The following FAAH2 variants were observed in gnomAD, a reference collection of about 807,000 sequenced individuals.
FAAH2 encodes the protein fatty acid amide hydrolase 2.
A neutral mutation model predicts 36.9 loss-of-function variants in FAAH2; 60 were observed. The observed-to-expected ratio is 1.63, with a 90% CI of 1.32 to 2.02. The LOEUF (loss-of-function observed/expected upper bound fraction) is 2.02. Ranked by LOEUF, FAAH2 falls within the 30% of genes most tolerant of loss-of-function variation. FAAH2 has a pLI of 0.00. For synonymous variants in FAAH2, 214 were observed against 143.8 expected (o/e 1.49, Z -3.49); for missense variants, 689 against 397.5 (o/e 1.73, Z -6.23).
upstream of FAAH2, among the ~76,000 whole-genome samples, chrX:57,284,030 C>A (rs1184048928): frequency 9.0e-6 from 1 of 111,672 alleles, no homozygotes; most frequent in Non-Finnish European, 1.9e-5. Flanking sequence ...CAGTCCCCAA[C>A]TTCTATACTA....
At chrX:57,315,581 C>A (rs1254415931) in intron 3 of FAAH2, among the ~76,000 whole-genome samples, 1 of 111,843 alleles carries the variant, frequency 8.9e-6, no homozygotes, top group African/African-American at 3.2e-5. Context: ...AGGGATTATT[C>A]CTGGGATGCA....
the FAAH2 span, among the ~76,000 whole-genome samples, chrX:57,167,524 G>C: frequency 9.9e-5 from 11 of 111,588 alleles, no homozygotes; most frequent in African/African-American, 3.6e-4. Context: ...TTCCCCCTCA[G>C]TTAACCACTT....
the FAAH2 span, among the ~76,000 whole-genome samples, chrX:57,163,919 A>T: frequency 1.8e-5 from 2 of 112,405 alleles, no homozygotes; most frequent in Non-Finnish European, 3.8e-5. Flanking sequence ...TGTATGGTCA[A>T]ATTAACAAAT....
intron 5 of FAAH2, among the ~76,000 whole-genome samples, chrX:57,371,333 G>A (rs566286794): frequency 8.9e-6 from 1 of 111,740 alleles, no homozygotes; most frequent in East Asian, 2.8e-4. Context: ...CCACTTGTAA[G>A]TGAGAACATG....
intron 7 of FAAH2, among the ~76,000 whole-genome samples, chrX:57,382,691 A>G (rs1442229063): frequency 8.9e-6 from 1 of 111,926 alleles, no homozygotes; most frequent in Non-Finnish European, 1.9e-5. Flanking sequence ...TTAATAGCCT[A>G]GCAACCAAAA....
chrX:57,220,542 A>G, the FAAH2 span, among the ~76,000 whole-genome samples: 5 of 111,965 alleles, frequency 4.5e-5, no homozygotes, highest in Non-Finnish European at 9.4e-5. Flanking sequence ...AAACCCCACA[A>G]CAAGTCCTTC....
At chrX:57,342,182 G>A (rs1216709099) in intron 5 of FAAH2, among the ~76,000 whole-genome samples, 1 of 111,767 alleles carries the variant, frequency 8.9e-6, no homozygotes, top group Non-Finnish European at 1.9e-5. Context: ...GGAATGCTAT[G>A]TAGCCATGAA....
At chrX:57,429,987 G>A (rs1186405215) in intron 7 of FAAH2, among the ~76,000 whole-genome samples, 1 of 110,853 alleles carries the variant, frequency 9.0e-6, no homozygotes, top group Non-Finnish European at 1.9e-5. Flanking sequence ...ATAATGTATA[G>A]AACTGGACAT....
At chrX:57,192,789 G>T in the FAAH2 span, among the ~76,000 whole-genome samples, 1 of 111,756 alleles carries the variant, frequency 8.9e-6, no homozygotes, top group African/African-American at 3.3e-5. Flanking sequence ...TGTCTTTACT[G>T]CAGTCTCTAA....
intron 10 of FAAH2, chrX:57,452,250 C>A: frequency 1.3e-6 from 1 of 754,381 alleles, no homozygotes; most frequent in Non-Finnish European, 1.6e-6. Context: ...GAATGCTAAG[C>A]AGATCTTTTG....
chrX:57,479,848 A>T lies in FAAH2; in HGVS notation c.1424-8909A>T, dbSNP rs762496761. Reference sequence around the variant, plus strand: ...CACTTGATCATGGTGGATAAGTTTTAATTGATAGACCACTAGCAAGACTAA... The same window carrying T: ...CACTTGATCATGGTGGATAAGTTTTTATTGATAGACCACTAGCAAGACTAA... On this transcript the variant is annotated intron_variant, in intron 10 of 10. Transcript: ENST00000374900. Among the ~76,000 whole-genome samples the T allele has an allele frequency of 7.2e-5, 8 of 111,227 alleles. No individual in the cohort carries two copies. In the South Asian group the frequency reaches 1.5e-3, roughly 21 times the overall value.
intron 10 of FAAH2, among the ~76,000 whole-genome samples, chrX:57,463,334 A>G (rs1445284002): frequency 1.8e-5 from 2 of 111,555 alleles, no homozygotes; most frequent in African/African-American, 6.5e-5. Flanking sequence ...AAACAAAAAA[A>G]GAGCCCATAT....
chrX:57,396,428 TGTTA>T (rs2055300223), intron 7 of FAAH2, among the ~76,000 whole-genome samples: 1 of 108,825 alleles, frequency 9.2e-6, no homozygotes, highest in Admixed American at 9.8e-5. Flanking sequence ...AGCATTAGGT[TGTTA>T]GTTGGGGATT....
chrX:57,241,939 G>A, the FAAH2 span, among the ~76,000 whole-genome samples: 2 of 111,290 alleles, frequency 1.8e-5, no homozygotes, highest in Admixed American at 9.6e-5. Flanking sequence ...AACAGCCCCA[G>A]TCAGAGGCTT....
the FAAH2 span, among the ~76,000 whole-genome samples, chrX:57,150,891 G>C: frequency 8.9e-6 from 1 of 112,061 alleles, no homozygotes; most frequent in Non-Finnish European, 1.9e-5. Flanking sequence ...TTTTGCAGTG[G>C]GTGGTACCGG....
the FAAH2 span, among the ~76,000 whole-genome samples, chrX:57,256,119 C>T: frequency 1.8e-5 from 2 of 111,793 alleles, no homozygotes; most frequent in Non-Finnish European, 3.8e-5. Context: ...ACAAGCATTG[C>T]TGTAAACAAA....
intron 7 of FAAH2, among the ~76,000 whole-genome samples, chrX:57,430,077 G>A (rs1462969103): frequency 5.4e-5 from 6 of 111,236 alleles, no homozygotes; most frequent in Admixed American, 3.8e-4. Flanking sequence ...ATTACTTAGC[G>A]GATACAATGT....
At chrX:57,480,615 C>T (rs1256889852) in intron 10 of FAAH2, among the ~76,000 whole-genome samples, 2 of 112,170 alleles carry the variant, frequency 1.8e-5, no homozygotes, top group South Asian at 3.7e-4. Flanking sequence ...CATTATTGGT[C>T]TGTTCGGCTT....
chrX:57,405,026 T>G (rs1015030341), intron 7 of FAAH2, among the ~76,000 whole-genome samples: 1 of 111,939 alleles, frequency 8.9e-6, no homozygotes, highest in Non-Finnish European at 1.9e-5. Flanking sequence ...GAAAGCCCTT[T>G]CCCAGACAGC....
Sources: gnomAD v4.1 joint callset for allele counts (sites outside exome capture counted in the v4.1 genomes callset) on GRCh38, gnomAD v4.1.1 for gene constraint, MANE v1.5 for transcripts, NCBI Gene and HGNC (gene_info 2026-07-23, HGNC 2026-07-21) for gene names.